The following MACROD2 variants were observed in gnomAD, a reference collection of about 807,000 sequenced individuals.
MACROD2 encodes the protein mono-ADP ribosylhydrolase 2, also known as ADP-ribose glycohydrolase MACROD2.
MACROD2 carries 36 observed loss-of-function variants against 70.4 expected under a neutral mutation model. The ratio of observed to expected loss-of-function variants is 0.51; its 90% CI spans 0.39 to 0.68. The LOEUF (loss-of-function observed/expected upper bound fraction) is 0.68. Ranked by LOEUF, MACROD2 falls within the 30% of genes least tolerant of loss-of-function variation. MACROD2 has a pLI of 0.00. For missense variants in MACROD2, 496 were observed against 538.4 expected (o/e 0.92, Z 0.78); for synonymous variants, 172 against 178.8 (o/e 0.96, Z 0.30).
At chr20:16,045,109 G>GT (rs2067361924) in intron 17 of MACROD2, among the ~76,000 whole-genome samples, 1 of 152,044 alleles carries the variant, frequency 6.6e-6, no homozygotes, top group African/African-American at 2.4e-5. Flanking sequence ...CTTAGGTCCT[G>GT]TTTTTTTCAC....
At chr20:14,896,932 AT>A (rs1223520449) in intron 5 of MACROD2, among the ~76,000 whole-genome samples, 1 of 152,224 alleles carries the variant, frequency 6.6e-6, no homozygotes, top group Non-Finnish European at 1.5e-5. Flanking sequence ...TCTTAAAAAA[AT>A]AAAAATAAAA....
At chr20:15,428,733 C>T (rs1600398330) in intron 6 of MACROD2, among the ~76,000 whole-genome samples, 1 of 152,268 alleles carries the variant, frequency 6.6e-6, no homozygotes, top group East Asian at 1.9e-4. Flanking sequence ...ATGAAGCCTC[C>T]AATGCCACAT....
At chr20:15,150,839 GT>G (rs1407577378) in intron 5 of MACROD2, among the ~76,000 whole-genome samples, 4 of 151,972 alleles carry the variant, frequency 2.6e-5, no homozygotes, top group Admixed American at 2.6e-4. Context: ...CTAAAAAGGA[GT>G]GCTTAAAAGA....
At chr20:14,320,071 CTAT>C (rs2082645156) in intron 3 of MACROD2, among the ~76,000 whole-genome samples, 1 of 152,142 alleles carries the variant, frequency 6.6e-6, no homozygotes, top group Non-Finnish European at 1.5e-5. Context: ...GAAGAGGGCA[CTAT>C]TAATAATTAG....
intron 7 of MACROD2, among the ~76,000 whole-genome samples, chr20:15,464,735 C>T (rs2046862970): frequency 6.6e-6 from 1 of 152,168 alleles, no homozygotes; most frequent in Non-Finnish European, 1.5e-5. Flanking sequence ...AAGATAGCAC[C>T]TTCTTAGCCG....
chr20:14,420,900 C>T (rs2083868956), intron 3 of MACROD2, among the ~76,000 whole-genome samples: 2 of 152,048 alleles, frequency 1.3e-5, no homozygotes, highest in South Asian at 2.1e-4. Flanking sequence ...TATATGTTGC[C>T]CAGGCTGGTC....
intron 3 of MACROD2, among the ~76,000 whole-genome samples, chr20:14,348,438 T>A (rs1030203246): frequency 1.7e-4 from 26 of 152,218 alleles, no homozygotes; most frequent in Middle Eastern, 3.4e-3. Flanking sequence ...CAGGATGTGT[T>A]ATCTACTAAA....
chr20:15,213,668 A>G (rs1221126501), intron 5 of MACROD2, among the ~76,000 whole-genome samples: 1 of 152,120 alleles, frequency 6.6e-6, no homozygotes, highest in Non-Finnish European at 1.5e-5. Flanking sequence ...TTATTCCTTG[A>G]GTGAAGTCAT....
At chr20:14,705,019 A>G (rs965449558) in intron 5 of MACROD2, among the ~76,000 whole-genome samples, 3 of 151,972 alleles carry the variant, frequency 2.0e-5, no homozygotes, top group Admixed American at 1.3e-4. Flanking sequence ...ACACATTCAG[A>G]TAGTAAAATG....
At chr20:15,194,749 A>T (rs962914518) in intron 5 of MACROD2, among the ~76,000 whole-genome samples, 3 of 151,922 alleles carry the variant, frequency 2.0e-5, no homozygotes, top group Admixed American at 6.6e-5. Flanking sequence ...AGTATTCCTT[A>T]TTTTTTTCAC....
intron 5 of MACROD2, among the ~76,000 whole-genome samples, chr20:15,160,450 A>G (rs578166708): frequency 6.1e-4 from 93 of 152,262 alleles, no homozygotes; most frequent in Middle Eastern, 6.8e-3. Context: ...ATAGTAGAGA[A>G]CACACATTTT....
intron 5 of MACROD2, among the ~76,000 whole-genome samples, chr20:15,145,809 A>T (rs952781243): frequency 6.6e-6 from 1 of 152,096 alleles, no homozygotes; most frequent in African/African-American, 2.4e-5. Context: ...CTAAAAGATG[A>T]TGTTTGCATT....
chr20:15,938,650 A>G (rs2065703693), intron 12 of MACROD2, among the ~76,000 whole-genome samples: 2 of 152,116 alleles, frequency 1.3e-5, no homozygotes, highest in Admixed American at 6.6e-5. Context: ...AATTAGGCCA[A>G]TTAATAGACC....
chr20:15,154,631 C>G (rs1384313815), intron 5 of MACROD2, among the ~76,000 whole-genome samples: 1 of 152,192 alleles, frequency 6.6e-6, no homozygotes, highest in Non-Finnish European at 1.5e-5. Flanking sequence ...CTTTACAGAT[C>G]CCGTCTTGTT....
intron 2 of MACROD2, among the ~76,000 whole-genome samples, chr20:14,073,374 A>G (rs2053875450): frequency 6.6e-6 from 1 of 152,150 alleles, no homozygotes. Flanking sequence ...CAAATATAAA[A>G]TGAGCACTTA....
intron 2 of MACROD2, among the ~76,000 whole-genome samples, chr20:14,048,912 A>G (rs1454046632): frequency 6.6e-6 from 1 of 152,178 alleles, no homozygotes; most frequent in Non-Finnish European, 1.5e-5. Context: ...ATAAAATTCT[A>G]GGTGACTTAA....
intron 5 of MACROD2, among the ~76,000 whole-genome samples, chr20:15,106,616 A>G (rs1033836195): frequency 3.9e-5 from 6 of 152,142 alleles, no homozygotes; most frequent in Non-Finnish European, 8.8e-5. Context: ...CTCCCTTAAG[A>G]TCCTCTCCTA....
At position 14,013,272 on chromosome 20, in the gene MACROD2, T is replaced by C. The variant is rs1481066391; in HGVS notation, c.163+10868T>C. On this transcript the variant is annotated intron_variant, in intron 2 of 17. Transcript: ENST00000684519. ...TGTTGTTCAAGGGTCAACTGTACTT[T>C]CTTTTTTTTTTTTTTTTTGAGACGA... 4.1e-5 allele frequency among the ~76,000 whole-genome samples: 6 copies of C among 147,798 alleles called. 1 individual carries two copies. Among genetic ancestry groups the C allele is most frequent in the Admixed American group, 2.8e-4 (4 of 14,462 alleles).
At chr20:14,773,728 C>T (rs2123774685) in intron 5 of MACROD2, among the ~76,000 whole-genome samples, 1 of 152,148 alleles carries the variant, frequency 6.6e-6, no homozygotes, top group Middle Eastern at 3.4e-3. Context: ...CTTCATTGTA[C>T]AGTAAGTCTG....
Sources: gnomAD v4.1 joint callset for allele counts (sites outside exome capture counted in the v4.1 genomes callset) on GRCh38, gnomAD v4.1.1 for gene constraint, MANE v1.5 for transcripts, NCBI Gene and HGNC (gene_info 2026-07-23, HGNC 2026-07-21) for gene names.